KIRREL3: variants seen among roughly 807,000 people sequenced by gnomAD.
KIRREL3 encodes kin of IRRE-like protein 3.
KIRREL3 carries 36 observed loss-of-function variants against 89.7 expected under a neutral mutation model. The observed-to-expected ratio is 0.40, with a 90% CI of 0.31 to 0.53. KIRREL3 has a LOEUF of 0.53. Ranked by LOEUF, KIRREL3 falls within the 20% of genes least tolerant of loss-of-function variation. KIRREL3 has a pLI of 0.49. For missense variants in KIRREL3, 864 were observed against 1,056.6 expected (o/e 0.82, Z 2.53); for synonymous variants, 445 against 441.4 (o/e 1.01, Z -0.10).
In KIRREL3 at chr11:126,486,470, GGT is replaced by G. The variant is rs1471754212; in HGVS notation, c.434-13006_434-13005del. On this transcript the variant is annotated intron_variant, in intron 4 of 16. Transcript: ENST00000525144. The surrounding 1 kb of genome is among the most constrained non-coding windows in gnomAD (Gnocchi z 6.2). The stretch of plus-strand genomic sequence containing the variant: ...GCAGGATGGGTGAGAGCGCTTCTTA[GGT>G]GTGTTTGCAGGAATAACCGGCACAT... 6.6e-6 allele frequency among the ~76,000 whole-genome samples: 1 copy of G among 152,210 alleles called. No individual in the cohort carries two copies. Among genetic ancestry groups the G allele is most frequent in the African/African-American group, 2.4e-5 (1 of 41,456 alleles).
rs200938081 is a variant in KIRREL3 at position 126,923,126 on chromosome 11, C to CTT, written c.55+77327_55+77328dup. On this transcript the variant is annotated intron_variant, in intron 1 of 16. Transcript: ENST00000525144. ...TCTCCTTCTCCTTCTCCTTCTCCTT[C>CTT]TTCTCTTCTTCTTCTTCTTCTTCTT... Among the ~76,000 whole-genome samples the CTT allele has an allele frequency of 4.6e-5, 2 of 43,210 alleles. 1 individual carries two copies. Among genetic ancestry groups the CTT allele is most frequent in the Non-Finnish European group, 8.7e-5 (2 of 22,860 alleles). 28.3% of individuals were successfully genotyped at this position (43,210 alleles called of 152,430 possible).
chr11:126,499,171 G>C (rs931122712), intron 4 of KIRREL3, among the ~76,000 whole-genome samples: 13 of 138,092 alleles, frequency 9.4e-5, no homozygotes, highest in Non-Finnish European at 9.3e-5. Flanking sequence ...AAAAAAAGCT[G>C]TGCGTTGCTC....
chr11:126,441,812 G>A lies in KIRREL3; in HGVS notation c.1253-1263C>T, dbSNP rs545008671. 2.6e-5 allele frequency among the ~76,000 whole-genome samples: 4 copies of A among 152,286 alleles called. No individual in the cohort carries two copies. The highest frequency in any genetic ancestry group is 9.6e-5 in the African/African-American group (4 of 41,550). ...AAAAGGGCTCGGGGCAGCGTGAGGT[G>A]GGCGTGGGGGACCCTCCATGGCTTT... On this transcript the variant is annotated intron_variant, in intron 10 of 16. Coordinates refer to ENST00000525144, the MANE Select transcript of KIRREL3 (RefSeq NM_032531.4). The surrounding 1 kb of genome is among the most constrained non-coding windows in gnomAD (Gnocchi z 5.0).
chr11:126,863,594 A>C (rs1306320631), intron 1 of KIRREL3, among the ~76,000 whole-genome samples: 2 of 74,758 alleles, frequency 2.7e-5, no homozygotes, highest in African/African-American at 1.2e-4. Context: ...TGTGTGTTTG[A>C]GTGCGTGTGT....
Position 126,763,026 on chromosome 11 carries a change from C to A in KIRREL3, c.56-200114G>T, listed in dbSNP as rs527415524. Among the ~76,000 whole-genome samples the A allele has an allele frequency of 3.3e-5, 5 of 152,240 alleles. No individual in the cohort carries two copies. The highest frequency in any genetic ancestry group is 1.2e-4 in the African/African-American group (5 of 41,524). ...ACCCATCCTCAGGGATCCTGGGATT[C>A]AACTTTGAGAGCATAACTAGGTAGG... On this transcript the variant is annotated intron_variant, in intron 1 of 16. Coordinates refer to ENST00000525144, the MANE Select transcript of KIRREL3 (RefSeq NM_032531.4). This position sits in a 1 kb window ranked among gnomAD's most constrained non-coding sequence, Gnocchi z 4.7.
chr11:126,937,984 A>C (rs905500305), intron 1 of KIRREL3, among the ~76,000 whole-genome samples: 1 of 152,196 alleles, frequency 6.6e-6, no homozygotes. Context: ...AGAGAACCCC[A>C]AAGAGTCACA....
chr11:126,637,074 G>A (rs1944294210), intron 1 of KIRREL3, among the ~76,000 whole-genome samples: 1 of 152,090 alleles, frequency 6.6e-6, no homozygotes, highest in South Asian at 2.1e-4. Context: ...GTGGTGAGTT[G>A]TCTCCTCTGC....
chr11:126,897,408 TG>T lies in KIRREL3; in HGVS notation c.55+103046del, dbSNP rs1298224290. 6.6e-6 allele frequency among the ~76,000 whole-genome samples: 1 copy of T among 152,104 alleles called. No individual in the cohort carries two copies. ...GCCTTCCCCAAGCGTTCTCTTATTT[TG>T]GGGAAAAAAAATGAATGTGCAATTC... On this transcript the variant is annotated intron_variant, in intron 1 of 16. Coordinates refer to ENST00000525144, the MANE Select transcript of KIRREL3 (RefSeq NM_032531.4). The surrounding 1 kb of genome is among the most constrained non-coding windows in gnomAD (Gnocchi z 4.2).
rs925461419 is a variant in KIRREL3 at position 126,627,795 on chromosome 11, G to A, written c.56-64883C>T. On this transcript the variant is annotated intron_variant, in intron 1 of 16. Coordinates refer to ENST00000525144, the MANE Select transcript of KIRREL3 (RefSeq NM_032531.4). This position sits in a 1 kb window ranked among gnomAD's most constrained non-coding sequence, Gnocchi z 5.0. ...TAGAGGGATGTCAGATGCTCAGAGA[G>A]AACTCACAGGCCCCAGTGGAGGGCT... Among the ~76,000 whole-genome samples the A allele has an allele frequency of 3.9e-5, 6 of 152,172 alleles. No homozygotes were observed. The highest frequency in any genetic ancestry group is 1.4e-4 in the African/African-American group (6 of 41,428).
In KIRREL3 at chr11:126,627,003, G is replaced by GA. The variant is rs763842903; in HGVS notation, c.56-64092dup. 0.018 allele frequency among the ~76,000 whole-genome samples: 754 copies of GA among 42,340 alleles called. 7 individuals are homozygous for GA. Among genetic ancestry groups the GA allele is most frequent in the Admixed American group, 0.025 (72 of 2,864 alleles). 27.8% of individuals were successfully genotyped at this position (42,340 alleles called of 152,430 possible). On this transcript the variant is annotated intron_variant, in intron 1 of 16. Transcript: ENST00000525144. This position sits in a 1 kb window ranked among gnomAD's most constrained non-coding sequence, Gnocchi z 5.0. ...CCACAAGAGTGAAACACTGTCTCAA[G>GA]AAAAAAAAAAAACAAAAAAAAAAGA... is the stretch of plus-strand genomic sequence containing the variant.
intron 1 of KIRREL3, among the ~76,000 whole-genome samples, chr11:126,937,603 TA>T (rs917436252): frequency 6.6e-6 from 1 of 152,020 alleles, no homozygotes; most frequent in African/African-American, 2.4e-5. Context: ...GATGATGCCA[TA>T]AAAAAACAGC....
At chr11:126,956,813 T>C (rs1948936037) in intron 1 of KIRREL3, among the ~76,000 whole-genome samples, 1 of 152,218 alleles carries the variant, frequency 6.6e-6, no homozygotes, top group African/African-American at 2.4e-5. Flanking sequence ...TGCACCGTTA[T>C]GGCCTGCTGA....
intron 1 of KIRREL3, among the ~76,000 whole-genome samples, chr11:126,665,127 T>G (rs1310286779): frequency 6.6e-6 from 1 of 152,172 alleles, no homozygotes; most frequent in Non-Finnish European, 1.5e-5. Flanking sequence ...TCCACCTGCC[T>G]GAGGTGAGGC....
intron 1 of KIRREL3, among the ~76,000 whole-genome samples, chr11:126,899,317 A>G (rs1946282093): frequency 6.6e-6 from 1 of 152,226 alleles, no homozygotes; most frequent in African/African-American, 2.4e-5. Context: ...TAGCTAAGAA[A>G]AAGTAAATGG....
chr11:126,532,947 T>C (rs919096892), intron 2 of KIRREL3, among the ~76,000 whole-genome samples: 5 of 152,028 alleles, frequency 3.3e-5, no homozygotes, highest in African/African-American at 7.2e-5. Context: ...TTTATTGCTA[T>C]AAAATTAGTA....
rs1565472810 is a variant in KIRREL3 at position 126,459,728 on chromosome 11, G to C, written c.743-3274C>G. 6.6e-6 allele frequency among the ~76,000 whole-genome samples: 1 copy of C among 152,204 alleles called. No individual in the cohort carries two copies. The highest frequency in any genetic ancestry group is 2.1e-4 in the South Asian group (1 of 4,834). ...TTTCCATCCGCCCGTGTGTGCGTGT[G>C]TCCATGTGTGTGTGTTTTCAGGGGA... On this transcript the variant is annotated intron_variant, in intron 6 of 16. Coordinates refer to ENST00000525144, the MANE Select transcript of KIRREL3 (RefSeq NM_032531.4). The surrounding 1 kb of genome is among the most constrained non-coding windows in gnomAD (Gnocchi z 4.8).
chr11:126,547,783 T>C (rs1938931882), intron 2 of KIRREL3, among the ~76,000 whole-genome samples: 1 of 152,156 alleles, frequency 6.6e-6, no homozygotes, highest in African/African-American at 2.4e-5. Flanking sequence ...GGACCCACAA[T>C]AGGGGCTTAG....
chr11:126,482,059 A>G (rs1283755068), intron 4 of KIRREL3, among the ~76,000 whole-genome samples: 1 of 152,070 alleles, frequency 6.6e-6, no homozygotes, highest in Admixed American at 6.6e-5. Context: ...CTTTTTTGAG[A>G]CAGAGTTTCA....
chr11:126,515,496 C>G lies in KIRREL3; in HGVS notation c.433+5819G>C, dbSNP rs1958381516. Among the ~76,000 whole-genome samples the G allele has an allele frequency of 6.6e-6, 1 of 152,134 alleles. No individual in the cohort carries two copies. Among genetic ancestry groups the G allele is most frequent in the African/African-American group, 2.4e-5 (1 of 41,432 alleles). The stretch of plus-strand genomic sequence containing the variant: ...GTGAAAAGGACCACAGGGGGACAGT[C>G]AGGCCATGTGGGCTCCAGAGAAGGC... On this transcript the variant is annotated intron_variant, in intron 4 of 16. Transcript: ENST00000525144. The surrounding 1 kb of genome is among the most constrained non-coding windows in gnomAD (Gnocchi z 4.2).
Sources: gnomAD v4.1 joint callset for allele counts (sites outside exome capture counted in the v4.1 genomes callset) on GRCh38, gnomAD v4.1.1 for gene constraint, Gnocchi (gnomAD v3.1) non-coding constraint, MANE v1.5 for transcripts, NCBI Gene and HGNC (gene_info 2026-07-23, HGNC 2026-07-21) for gene names.